ENOX1: variants seen among roughly 807,000 people sequenced by gnomAD.
ENOX1 encodes the protein candidate growth-related and time keeping constitutive hydroquinone (NADH) oxidase.
Under a neutral mutation model 82.5 loss-of-function variants are expected in ENOX1, and 42 were observed. The ratio of observed to expected loss-of-function variants is 0.51; its 90% CI spans 0.40 to 0.66. The LOEUF (loss-of-function observed/expected upper bound fraction) is 0.66. Among genes scored for constraint, ENOX1 ranks in the 30% least tolerant of loss-of-function variants. ENOX1 has a pLI of 0.00. For missense variants in ENOX1, 608 were observed against 811.6 expected (o/e 0.75, Z 3.05); for synonymous variants, 271 against 282.2 (o/e 0.96, Z 0.40).
chr13:43,420,798 T>G (rs1449332707), intron 3 of ENOX1, among the ~76,000 whole-genome samples: 6 of 152,134 alleles, frequency 3.9e-5, no homozygotes, highest in Non-Finnish European at 7.4e-5. Context: ...TTTTGGGGTA[T>G]TGGGGAGCAC....
intron 3 of ENOX1, among the ~76,000 whole-genome samples, chr13:43,417,391 T>C (rs956400077): frequency 3.3e-5 from 5 of 152,216 alleles, no homozygotes; most frequent in Non-Finnish European, 7.3e-5. Context: ...TGCCGTGACA[T>C]TGTTCACAAA....
At chr13:43,540,165 G>A (rs1219212969) in intron 2 of ENOX1, among the ~76,000 whole-genome samples, 1 of 152,034 alleles carries the variant, frequency 6.6e-6, no homozygotes, top group Non-Finnish European at 1.5e-5. Flanking sequence ...AAACATATTC[G>A]AGTTTAAGTC....
intron 1 of ENOX1, among the ~76,000 whole-genome samples, chr13:43,696,164 A>C (rs2153806583): frequency 6.6e-6 from 1 of 152,324 alleles, no homozygotes; most frequent in South Asian, 2.1e-4. Context: ...TGGTATAGAT[A>C]TATTAATACC....
intron 2 of ENOX1, among the ~76,000 whole-genome samples, chr13:43,559,482 C>A (rs1468246476): frequency 6.6e-6 from 1 of 152,102 alleles, no homozygotes; most frequent in Non-Finnish European, 1.5e-5. Flanking sequence ...GAGCCCAATT[C>A]CCAAATTGCA....
intron 13 of ENOX1, among the ~76,000 whole-genome samples, 161 bp from the exon 14 acceptor site, chr13:43,265,615 G>A (rs2044328990): frequency 6.6e-6 from 1 of 152,184 alleles, no homozygotes; most frequent in Admixed American, 6.5e-5. Context: ...AGCCTTATTG[G>A]AGCCAGTTTG....
chr13:43,393,743 T>TA (rs1380348237), intron 5 of ENOX1, among the ~76,000 whole-genome samples: 1 of 152,254 alleles, frequency 6.6e-6, no homozygotes, highest in Non-Finnish European at 1.5e-5. Context: ...GAAATGAATG[T>TA]AGTTCATTAA....
intron 3 of ENOX1, chr13:43,459,379 C>A (rs113637859): frequency 1.1e-3 from 160 of 152,284 alleles, no homozygotes; most frequent in African/African-American, 3.7e-3. Flanking sequence ...ATAAGTTAAT[C>A]CTTAGGTTGC....
rs1208531842 is a variant in ENOX1 at position 43,404,663 on chromosome 13, A to G, written c.208+7253T>C. On this transcript the variant is annotated intron_variant, in intron 5 of 16. Transcript: ENST00000690772. ...TCTTCTTTAGAGATACGTGTTCTCC[A>G]TAAGAGCATCACTGGTCGGTCAGGC... Among the ~76,000 whole-genome samples, 4 of 152,212 alleles carry G rather than the reference A, an allele frequency of 2.6e-5. No homozygotes were observed. In the South Asian group the frequency reaches 8.3e-4, roughly 32 times the overall value.
chr13:43,762,305 T>C (rs1020855138), intron 1 of ENOX1, among the ~76,000 whole-genome samples: 4 of 152,190 alleles, frequency 2.6e-5, no homozygotes, highest in Admixed American at 6.5e-5. Flanking sequence ...CAGCCTACTA[T>C]TGAGAAGAGG....
intron 3 of ENOX1, among the ~76,000 whole-genome samples, chr13:43,461,836 C>T (rs2153638435): frequency 6.6e-6 from 1 of 152,334 alleles, no homozygotes; most frequent in African/African-American, 2.4e-5. Flanking sequence ...GGCACAGAAC[C>T]TTGTATGAGA....
At chr13:43,261,436 T>C (rs1277642277) in intron 14 of ENOX1, among the ~76,000 whole-genome samples, 2 of 152,060 alleles carry the variant, frequency 1.3e-5, no homozygotes, top group Non-Finnish European at 2.9e-5. Context: ...GAAACAAATA[T>C]GAGATGCAAC....
At chr13:43,462,823 C>G (rs949461925) in intron 3 of ENOX1, among the ~76,000 whole-genome samples, 1 of 152,078 alleles carries the variant, frequency 6.6e-6, no homozygotes, top group East Asian at 1.9e-4. Context: ...GAACATCAGA[C>G]GAAACTGCTA....
At chr13:43,740,129 A>G (rs2089830366) in intron 1 of ENOX1, among the ~76,000 whole-genome samples, 1 of 152,174 alleles carries the variant, frequency 6.6e-6, no homozygotes, top group Non-Finnish European at 1.5e-5. Context: ...TGTTCCCAGC[A>G]GAGGGAACAA....
intron 3 of ENOX1, among the ~76,000 whole-genome samples, chr13:43,430,473 T>C (rs1450106750): frequency 1.3e-5 from 2 of 151,420 alleles, no homozygotes; most frequent in Non-Finnish European, 2.9e-5. Flanking sequence ...TTATTCCCTC[T>C]TTTTTTTTGT....
At chr13:43,333,115 G>A (rs1055723709) in intron 9 of ENOX1, among the ~76,000 whole-genome samples, 11 of 152,234 alleles carry the variant, frequency 7.2e-5, no homozygotes, top group African/African-American at 2.4e-4. Context: ...TCATATGTAT[G>A]TTATCAATAA....
intron 1 of ENOX1, among the ~76,000 whole-genome samples, chr13:43,698,146 C>T (rs1330489662): frequency 1.3e-5 from 2 of 152,160 alleles, no homozygotes; most frequent in African/African-American, 2.4e-5. Flanking sequence ...GGTGAGTCAT[C>T]AGGGAATCCC....
intron 14 of ENOX1, among the ~76,000 whole-genome samples, chr13:43,242,305 G>A (rs888350405): frequency 2.0e-5 from 3 of 152,178 alleles, no homozygotes; most frequent in Admixed American, 6.5e-5. Flanking sequence ...GTCTTCACTG[G>A]CTTTTTTGTT....
chr13:43,282,838 A>C (rs1472585667), intron 12 of ENOX1, among the ~76,000 whole-genome samples: 10 of 151,226 alleles, frequency 6.6e-5, no homozygotes, highest in Admixed American at 4.6e-4. Flanking sequence ...TATGCCTGTA[A>C]TCCCAGCACT....
In ENOX1 at chr13:43,761,774, C is replaced by T. The variant is rs536515731; in HGVS notation, c.-285+24878G>A. Among the ~76,000 whole-genome samples, 16 of 152,152 alleles carry T rather than the reference C, an allele frequency of 1.1e-4. 1 individual carries two copies. The highest frequency in any genetic ancestry group is 2.1e-4 in the Non-Finnish European group (14 of 68,008). On this transcript the variant is annotated intron_variant, in intron 1 of 16. Coordinates refer to ENST00000690772, the MANE Select transcript of ENOX1 (RefSeq NM_001347969.2). ...CCAAATCTGTGTCTCCTTCCAGCTC[C>T]AATTAGTAAAATATTACAAACTTTT...
Sources: gnomAD v4.1 joint callset for allele counts (sites outside exome capture counted in the v4.1 genomes callset) on GRCh38, gnomAD v4.1.1 for gene constraint, MANE v1.5 for transcripts, NCBI Gene and HGNC (gene_info 2026-07-23, HGNC 2026-07-21) for gene names.